The following PEX5L variants were observed in gnomAD, a reference collection of about 807,000 sequenced individuals.
PEX5L encodes the protein PEX5-related protein.
Under a neutral mutation model 84.0 loss-of-function variants are expected in PEX5L, and 30 were observed. The ratio of observed to expected loss-of-function variants is 0.36; its 90% CI spans 0.27 to 0.48. PEX5L has a LOEUF of 0.48. Ranked by LOEUF, PEX5L falls within the 20% of genes least tolerant of loss-of-function variation. PEX5L has a pLI of 0.99. For synonymous variants in PEX5L, 270 were observed against 283.1 expected (o/e 0.95, Z 0.46); for missense variants, 533 against 754.6 (o/e 0.71, Z 3.44).
chr3:179,804,103 G>A (rs944300770), intron 14 of PEX5L: 14 of 152,130 alleles, frequency 9.2e-5, no homozygotes, highest in Admixed American at 5.9e-4. Context: ...AGCTCCAAGT[G>A]TGTGGTAATG....
chr3:179,851,438 T>C (rs1209494501), intron 8 of PEX5L, among the ~76,000 whole-genome samples: 1 of 152,160 alleles, frequency 6.6e-6, no homozygotes, highest in Admixed American at 6.5e-5. Flanking sequence ...CATCTCTTCA[T>C]ACCATCTCAC....
At chr3:179,906,281 C>T (rs979356468) in intron 2 of PEX5L, among the ~76,000 whole-genome samples, 1 of 152,198 alleles carries the variant, frequency 6.6e-6, no homozygotes, top group Admixed American at 6.5e-5. Flanking sequence ...CCACAATGGT[C>T]AAGGCAATAG....
At chr3:179,991,294 T>A (rs1198353547) in intron 1 of PEX5L, among the ~76,000 whole-genome samples, 1 of 152,198 alleles carries the variant, frequency 6.6e-6, no homozygotes, top group Non-Finnish European at 1.5e-5. Context: ...GCACTGTCAC[T>A]CCAGCTCATC....
intron 8 of PEX5L, among the ~76,000 whole-genome samples, chr3:179,856,879 A>G (rs1045009726): frequency 2.0e-5 from 3 of 152,214 alleles, no homozygotes; most frequent in African/African-American, 7.2e-5. Context: ...GTTTTAGTAT[A>G]TTGGGAATCC....
rs1250678762 is a variant in PEX5L at position 180,036,649 on chromosome 3, C to T, written c.-50G>A. On this transcript the variant is annotated 5_prime_UTR_variant, in exon 1 of 15. Coordinates refer to ENST00000467460, the MANE Select transcript of PEX5L (RefSeq NM_016559.3). ...CCTGAGGCCACCGGATGCTTTTCCC[C>T]CGTGCTTACTTGCCCACCAAAAGAG... The T allele has an allele frequency of 1.2e-6, 2 of 1,610,168 alleles. No individual in the cohort carries two copies. The highest frequency in any genetic ancestry group is 1.1e-5 in the South Asian group (1 of 90,984).
chr3:179,918,449 T>C (rs1278542436), intron 2 of PEX5L, among the ~76,000 whole-genome samples: 1 of 152,230 alleles, frequency 6.6e-6, no homozygotes, highest in East Asian at 1.9e-4. Context: ...GATAGCTCTA[T>C]GTTAAAATAA....
At chr3:179,996,223 C>T (rs1391416162) in intron 1 of PEX5L, among the ~76,000 whole-genome samples, 2 of 152,048 alleles carry the variant, frequency 1.3e-5, no homozygotes, top group Admixed American at 6.6e-5. Context: ...GTGCTACACT[C>T]GAAAAGAGCT....
chr3:179,878,636 T>C (rs1206002712), intron 5 of PEX5L, among the ~76,000 whole-genome samples: 1 of 152,248 alleles, frequency 6.6e-6, no homozygotes, highest in Non-Finnish European at 1.5e-5. Context: ...GATACCCTGC[T>C]CTGTTCTCCC....
intron 7 of PEX5L, among the ~76,000 whole-genome samples, chr3:179,865,480 T>C (rs944084610): frequency 6.6e-6 from 1 of 152,010 alleles, no homozygotes; most frequent in African/African-American, 2.4e-5. Flanking sequence ...TTATAACATA[T>C]GGTAAAGATC....
chr3:179,821,174 T>G (rs1353205537), intron 8 of PEX5L, among the ~76,000 whole-genome samples: 1 of 152,226 alleles, frequency 6.6e-6, no homozygotes, highest in African/African-American at 2.4e-5. Flanking sequence ...ATTTCATATT[T>G]CATGCCCTAG....
intron 2 of PEX5L, among the ~76,000 whole-genome samples, chr3:179,961,416 G>T (rs907351611): frequency 3.2e-4 from 48 of 152,048 alleles, no homozygotes; most frequent in African/African-American, 1.1e-3. Context: ...CCTTATATAT[G>T]CAGTGTCAGA....
rs139543063 is a variant in PEX5L at position 179,956,666 on chromosome 3, G to A, written c.93+14928C>T. Among the ~76,000 whole-genome samples the A allele has an allele frequency of 8.0e-3, 1,222 of 152,248 alleles. 7 individuals carry two copies. Among genetic ancestry groups the A allele is most frequent in the Non-Finnish European group, 0.012 (830 of 68,024 alleles). On this transcript the variant is annotated intron_variant, in intron 2 of 14. Coordinates refer to ENST00000467460, the MANE Select transcript of PEX5L (RefSeq NM_016559.3). Reference sequence around the variant, plus strand: ...ATGCAAACTGAATTTATGCAAATCCGTGTTTGTGGTTTGGCTGTGGTCAGC... The same window carrying A: ...ATGCAAACTGAATTTATGCAAATCCATGTTTGTGGTTTGGCTGTGGTCAGC...
intron 1 of PEX5L, among the ~76,000 whole-genome samples, chr3:180,011,649 T>A (rs369852065): frequency 6.6e-6 from 1 of 152,212 alleles, no homozygotes; most frequent in African/African-American, 2.4e-5. Context: ...AAATAGAATC[T>A]TTAATTTTGA....
intron 1 of PEX5L, among the ~76,000 whole-genome samples, chr3:180,023,286 T>C (rs1009443065): frequency 6.6e-6 from 1 of 152,144 alleles, no homozygotes; most frequent in Non-Finnish European, 1.5e-5. Flanking sequence ...TTTACGAACA[T>C]CTCACTGTCA....
intron 2 of PEX5L, among the ~76,000 whole-genome samples, chr3:179,908,638 G>A (rs958647348): frequency 1.2e-4 from 14 of 116,222 alleles, no homozygotes; most frequent in Admixed American, 9.4e-4. Context: ...TCCATGACAA[G>A]CCCCAGTGTG....
At chr3:180,020,404 AT>A (rs1456074646) in intron 1 of PEX5L, among the ~76,000 whole-genome samples, 1 of 152,050 alleles carries the variant, frequency 6.6e-6, no homozygotes, top group Admixed American at 6.6e-5. Flanking sequence ...TATATATAAG[AT>A]TTATACACAT....
At chr3:179,808,137 T>C in intron 13 of PEX5L, 135 bp downstream of exon 13, 1 of 665,584 alleles carries the variant, frequency 1.5e-6, no homozygotes, top group Non-Finnish European at 2.4e-6. Context: ...AGTAGCACAT[T>C]ATTATTAGTA....
At chr3:179,954,683 G>A (rs550914895) in intron 2 of PEX5L, among the ~76,000 whole-genome samples, 27 of 152,246 alleles carry the variant, frequency 1.8e-4, no homozygotes, top group African/African-American at 6.0e-4. Context: ...GAGGTGGAGC[G>A]CGGGCTTTGG....
At chr3:179,844,103 G>A (rs767572075) in intron 8 of PEX5L, among the ~76,000 whole-genome samples, 24 of 152,230 alleles carry the variant, frequency 1.6e-4, no homozygotes, top group Middle Eastern at 3.4e-3. Context: ...ATTATGCTCC[G>A]GATCCTTGCC....
Sources: gnomAD v4.1 joint callset for allele counts (sites outside exome capture counted in the v4.1 genomes callset) on GRCh38, gnomAD v4.1.1 for gene constraint, MANE v1.5 for transcripts, NCBI Gene and HGNC (gene_info 2026-07-23, HGNC 2026-07-21) for gene names.